Variants in POLN observed in about 807,000 individuals in gnomAD.
The protein encoded by POLN is DNA polymerase nu.
POLN carries 108 observed loss-of-function variants against 113.5 expected under a neutral mutation model. The observed-to-expected ratio is 0.95, with a 90% confidence interval of 0.81 to 1.12. The LOEUF is 1.12. Among genes scored for constraint, POLN ranks in the 50% most tolerant of loss-of-function variants. The pLI is 0.00. For missense variants in POLN, 1,097 were observed against 1,077.1 expected, an observed-to-expected ratio of 1.02 and a Z score of -0.26; for synonymous variants, 386 against 391.5, an observed-to-expected ratio of 0.99 and a Z score of 0.17.
At position 2,208,483 on chromosome 4, in the gene POLN, A is replaced by G; in HGVS notation, c.218T>C (p.Leu73Pro). 1 of 1,525,676 alleles carries G rather than the reference A, an allele frequency of 6.6e-7. No homozygotes were observed. The allele number at this position is 1,525,676 out of a possible 1,614,324, so 94.5% of individuals were successfully genotyped here. The change falls in exon 5 of 26, where the codon CTT becomes CCT. Residue 73 changes from leucine to proline, a missense_variant. Physicochemically the swap from Leu to Pro is moderately conservative, Grantham distance 98. Transcript: ENST00000511885. The part of the protein sequence containing the change: ...RKTQSPEKKD[L>P]KSLRSQTSRG... ...TGATGTCTGACTTCTTAAAGATTTA[A>G]GATCCTACAGAAAAATGGAAAATAT...
At chr4:2,204,109 CAAAAAAAAAAA>C (rs566255148) in intron 5 of POLN, among the ~76,000 whole-genome samples, 2 of 53,232 alleles carry the variant, frequency 3.8e-5, no homozygotes, top group African/African-American at 1.6e-4. Context: ...AACTCTATCA[CAAAAAAAAAAA>C]AAAAAAAAAA....
At chr4:2,239,674 A>C (rs557197186) in intron 2 of POLN, among the ~76,000 whole-genome samples, 3 of 152,322 alleles carry the variant, frequency 2.0e-5, no homozygotes, top group African/African-American at 7.2e-5. Flanking sequence ...CTCTGGTTGG[A>C]GCAAACGAGG....
At chr4:2,232,130 A>T (rs1734604756) in intron 2 of POLN, 1 of 1,573,352 alleles carries the variant, frequency 6.4e-7, no homozygotes, top group South Asian at 1.2e-5. Context: ...TTCAGTTGAG[A>T]TTCAACTTTA....
At chr4:2,202,576 T>C (rs113530201) in intron 5 of POLN, among the ~76,000 whole-genome samples, 1 of 151,594 alleles carries the variant, frequency 6.6e-6, no homozygotes, top group Admixed American at 6.6e-5. Flanking sequence ...ATACAAAAAT[T>C]AGTCAGGCGT....
At chr4:2,141,470 C>G (rs1456869993) in intron 16 of POLN, among the ~76,000 whole-genome samples, 6 of 152,160 alleles carry the variant, frequency 3.9e-5, no homozygotes, top group African/African-American at 1.2e-4. Flanking sequence ...CCAGCTGTGG[C>G]CACCCTGTCC....
At chr4:2,099,313 G>A (rs1730869684) in intron 19 of POLN, among the ~76,000 whole-genome samples, 1 of 152,226 alleles carries the variant, frequency 6.6e-6, no homozygotes, top group East Asian at 1.9e-4. Flanking sequence ...CAAATACGCT[G>A]TCACCCAGGT....
chr4:2,195,678 C>G (rs1230955719), intron 6 of POLN, among the ~76,000 whole-genome samples: 1 of 151,922 alleles, frequency 6.6e-6, no homozygotes, highest in Non-Finnish European at 1.5e-5. Flanking sequence ...GAGATTGGGT[C>G]TCACTATGTT....
intron 2 of POLN, chr4:2,238,809 C>A (rs914715430): frequency 6.2e-7 from 1 of 1,613,064 alleles, no homozygotes; most frequent in Non-Finnish European, 8.5e-7. Flanking sequence ...TCAAATGATG[C>A]CTTTTGTTTT....
rs117114414 is a variant in POLN, at chr4:2,237,370, A to G, written c.-13+4150T>C. Among the ~76,000 whole-genome samples the G allele has an allele frequency of 1.2e-3, 173 of 146,920 alleles. 7 individuals carry two copies. In the East Asian group the frequency reaches 0.03, roughly 25 times the overall value. ...AGGATCACTTGAGCCCAGGAGCTGG[A>G]GGTTGCAGTGAGCTATCATCACATC... is the stretch of plus-strand genomic sequence containing the variant. On this transcript the variant is annotated intron_variant, in intron 2 of 25. Transcript: ENST00000511885.
intron 16 of POLN, among the ~76,000 whole-genome samples, chr4:2,137,067 T>C (rs895763897): frequency 6.6e-6 from 1 of 152,144 alleles, no homozygotes; most frequent in Middle Eastern, 3.2e-3. Context: ...GCCCACGGCG[T>C]TTTCACCGTG....
intron 7 of POLN, among the ~76,000 whole-genome samples, chr4:2,184,626 A>T (rs527750327): frequency 6.6e-6 from 1 of 152,368 alleles, no homozygotes; most frequent in African/African-American, 2.4e-5. Context: ...ATAGTGAGGT[A>T]CATATCCAGT....
At chr4:2,210,194 C>G (rs1733956710) in intron 4 of POLN, among the ~76,000 whole-genome samples, 1 of 151,402 alleles carries the variant, frequency 6.6e-6, no homozygotes, top group Admixed American at 6.6e-5. Flanking sequence ...TTAAAAATTC[C>G]ATGGAGGAGT....
chr4:2,090,347 T>C (rs1730637509), intron 20 of POLN: 3 of 769,062 alleles, frequency 3.9e-6, no homozygotes, highest in African/African-American at 3.5e-5. Flanking sequence ...CTCCAAGTAC[T>C]TTCTCTCATG....
At chr4:2,119,132 T>C (rs1731383075) in intron 19 of POLN, among the ~76,000 whole-genome samples, 1 of 152,206 alleles carries the variant, frequency 6.6e-6, no homozygotes, top group South Asian at 2.1e-4. Context: ...AATCATGTCA[T>C]TGGCAAGTAG....
intron 16 of POLN, among the ~76,000 whole-genome samples, chr4:2,135,981 A>T (rs994522955): frequency 3.9e-5 from 6 of 152,216 alleles, no homozygotes; most frequent in African/African-American, 1.4e-4. Context: ...GCAAATGGTG[A>T]TATCTGAATG....
chr4:2,143,116 T>C (rs567001283), intron 16 of POLN, among the ~76,000 whole-genome samples: 4 of 151,770 alleles, frequency 2.6e-5, no homozygotes, highest in African/African-American at 9.7e-5. Context: ...TAAAAATGCA[T>C]ACATGAGAAA....
At chr4:2,081,427 C>T (rs1168379388) in intron 22 of POLN, 6 of 629,720 alleles carry the variant, frequency 9.5e-6, no homozygotes, top group Non-Finnish European at 1.7e-5. Context: ...ATCATCCAAT[C>T]ATCCTAGCTA....
At chr4:2,114,558 C>T (rs918051933) in intron 19 of POLN, among the ~76,000 whole-genome samples, 7 of 152,174 alleles carry the variant, frequency 4.6e-5, no homozygotes, top group Non-Finnish European at 8.8e-5. Context: ...GGAAGTTATT[C>T]CATCATCTTC....
chr4:2,143,114 C>T (rs1004245751), intron 16 of POLN, among the ~76,000 whole-genome samples: 4 of 151,526 alleles, frequency 2.6e-5, no homozygotes, highest in Non-Finnish European at 5.9e-5. Flanking sequence ...ACTAAAAATG[C>T]ATACATGAGA....
Sources: allele counts gnomAD v4.1 joint callset (sites outside exome capture counted in the v4.1 genomes callset), GRCh38; gene constraint gnomAD v4.1.1; transcripts MANE v1.5; gene names NCBI Gene and HGNC (gene_info 2026-07-23, HGNC 2026-07-21).